The following HMGA2 variants were observed in gnomAD, a reference collection of about 807,000 sequenced individuals.
HMGA2 encodes high mobility group protein HMGI-C.
A neutral mutation model predicts 19.1 loss-of-function variants in HMGA2; 8 were observed. The ratio of observed to expected loss-of-function variants is 0.42; its 90% CI spans 0.25 to 0.76. The LOEUF (loss-of-function observed/expected upper bound fraction) is 0.76, where lower values mean the gene tolerates loss of function less well. Among genes scored for constraint, HMGA2 ranks in the 30% least tolerant of loss-of-function variants. The pLI, the probability that HMGA2 is intolerant of heterozygous loss-of-function variation, is 0.28. For missense variants in HMGA2, 109 were observed against 136.3 expected (o/e 0.80, Z 1.00); for synonymous variants, 60 against 48.8 (o/e 1.23, Z -0.96).
intron 3 of HMGA2, among the ~76,000 whole-genome samples, chr12:65,928,938 G>A (rs1241471262): frequency 6.6e-6 from 1 of 152,162 alleles, no homozygotes; most frequent in Non-Finnish European, 1.5e-5. Context: ...ATTTATATAT[G>A]TAGTGTACTG....
chr12:65,888,552 C>CTTTTTTTTTTTTTTTTTTTTTTTTT (rs1565722298), intron 3 of HMGA2, among the ~76,000 whole-genome samples: 1 of 90,304 alleles, frequency 1.1e-5, no homozygotes. Flanking sequence ...CCGTGGTGTG[C>CTTTTTTTTTTTTTTTTTTTTTTTTT]TCTTTTTTTT....
chr12:65,904,175 TCATAGAATTAACTCATGGGTTGAGAGG>T (rs560923993), intron 3 of HMGA2, among the ~76,000 whole-genome samples: 62 of 152,348 alleles, frequency 4.1e-4, no homozygotes, highest in African/African-American at 1.5e-3. Flanking sequence ...CTGTTCAACG[TCATAGAATTAACTCATGGGTTGAGAGG>T]CTGGGCCTAG....
intron 3 of HMGA2, among the ~76,000 whole-genome samples, chr12:65,867,212 G>T (rs1054153616): frequency 1.3e-5 from 2 of 152,184 alleles, no homozygotes; most frequent in African/African-American, 4.8e-5. Flanking sequence ...CACAAGCTAC[G>T]TAGAAACAGG....
intron 3 of HMGA2, among the ~76,000 whole-genome samples, chr12:65,894,621 G>A (rs1874049196): frequency 1.3e-5 from 2 of 152,148 alleles, no homozygotes; most frequent in East Asian, 1.9e-4. Flanking sequence ...AGGAAAGTAT[G>A]GCAATTGCTT....
At chr12:65,962,968 A>G (rs1454378693) in intron 4 of HMGA2, among the ~76,000 whole-genome samples, 1 of 152,084 alleles carries the variant, frequency 6.6e-6, no homozygotes, top group African/African-American at 2.4e-5. Flanking sequence ...TTGCCCTGAC[A>G]TTCTCTGGAC....
chr12:65,958,444 G>A (rs1323618304), intron 4 of HMGA2: 2 of 152,100 alleles, frequency 1.3e-5, no homozygotes, highest in South Asian at 2.1e-4. Context: ...TTCCTAGTTG[G>A]AGGAAATAAT....
chr12:65,920,827 A>G (rs1348373671), intron 3 of HMGA2, among the ~76,000 whole-genome samples: 2 of 152,236 alleles, frequency 1.3e-5, no homozygotes, highest in African/African-American at 4.8e-5. Flanking sequence ...TAACTAATAC[A>G]GTAAATTGGT....
At chr12:65,877,920 G>A (rs1206744254) in intron 3 of HMGA2, among the ~76,000 whole-genome samples, 1 of 152,076 alleles carries the variant, frequency 6.6e-6, no homozygotes, top group Non-Finnish European at 1.5e-5. Flanking sequence ...TTCCTTTTGT[G>A]AAAATTTTTT....
At chr12:65,911,424 C>A (rs1874840945) in intron 3 of HMGA2, among the ~76,000 whole-genome samples, 1 of 152,056 alleles carries the variant, frequency 6.6e-6, no homozygotes, top group Admixed American at 6.6e-5. Context: ...TCAGTCTTCC[C>A]TGGAAACAGG....
rs1359546388 is a variant in HMGA2, at chr12:65,964,300, A to AGG, written c.*1015_*1016dup. 27 of 148,862 alleles carry AGG rather than the reference A, an allele frequency of 1.8e-4. No homozygotes were observed. The highest frequency in any genetic ancestry group is 2.7e-4 in the Non-Finnish European group (18 of 67,538). 9.2% of individuals were successfully genotyped at this position (148,862 alleles called of 1,614,324 possible). On this transcript the variant is annotated 3_prime_UTR_variant, in exon 5 of 5. Coordinates refer to ENST00000403681, the MANE Select transcript of HMGA2 (RefSeq NM_003483.6). Reference sequence around the variant, plus strand: ...TCAATTTAAAAAGCAAAAAAAAAAAAGGGGGGGGCAATCTCTCTCTGTGTC... The same window carrying AGG: ...TCAATTTAAAAAGCAAAAAAAAAAAAGGGGGGGGGGCAATCTCTCTCTGTGTC...
chr12:65,863,425 C>T (rs1049577983), intron 3 of HMGA2, among the ~76,000 whole-genome samples: 2 of 152,002 alleles, frequency 1.3e-5, no homozygotes, highest in African/African-American at 4.8e-5. Flanking sequence ...AACTGTTAAG[C>T]CAAAACAGGG....
chr12:65,885,560 C>T (rs967301248), intron 3 of HMGA2, among the ~76,000 whole-genome samples: 2 of 152,132 alleles, frequency 1.3e-5, no homozygotes, highest in Non-Finnish European at 2.9e-5. Flanking sequence ...TTTTCTTGTG[C>T]ACTAGCAGCC....
At chr12:65,895,737 G>A (rs576848936) in intron 3 of HMGA2, among the ~76,000 whole-genome samples, 2 of 151,932 alleles carry the variant, frequency 1.3e-5, no homozygotes, top group South Asian at 4.1e-4. Context: ...TACATAGTCT[G>A]CCTAGCAGAC....
chr12:65,892,333 G>A (rs1199561388), intron 3 of HMGA2, among the ~76,000 whole-genome samples: 2 of 152,114 alleles, frequency 1.3e-5, no homozygotes, highest in Non-Finnish European at 2.9e-5. Flanking sequence ...GGAAAATATT[G>A]AACTTGGCCT....
intron 3 of HMGA2, among the ~76,000 whole-genome samples, chr12:65,929,966 A>C (rs78403809): frequency 6.6e-6 from 1 of 152,178 alleles, no homozygotes; most frequent in Admixed American, 6.5e-5. Context: ...TATATACAGA[A>C]GTAAGAACTG....
intron 3 of HMGA2, among the ~76,000 whole-genome samples, chr12:65,895,993 T>G (rs754998611): frequency 3.9e-5 from 6 of 152,218 alleles, no homozygotes; most frequent in Non-Finnish European, 5.9e-5. Flanking sequence ...AACTTTGGCT[T>G]ACTGTTTAAC....
At chr12:65,869,912 C>T (rs1162135983) in intron 3 of HMGA2, among the ~76,000 whole-genome samples, 1 of 152,106 alleles carries the variant, frequency 6.6e-6, no homozygotes, top group Non-Finnish European at 1.5e-5. Flanking sequence ...CCATGATTTT[C>T]TGCTCCATGT....
intron 3 of HMGA2, among the ~76,000 whole-genome samples, chr12:65,896,178 A>C (rs1874120750): frequency 6.6e-6 from 1 of 152,150 alleles, no homozygotes; most frequent in South Asian, 2.1e-4. Flanking sequence ...GTCTTTGAAA[A>C]CCATTTTCTT....
intron 3 of HMGA2, among the ~76,000 whole-genome samples, chr12:65,929,035 T>C (rs1481413531): frequency 6.6e-6 from 1 of 152,204 alleles, no homozygotes; most frequent in African/African-American, 2.4e-5. Flanking sequence ...TAAGAATTGG[T>C]CTATGCACAG....
Sources: allele counts gnomAD v4.1 joint callset (sites outside exome capture counted in the v4.1 genomes callset), GRCh38; gene constraint gnomAD v4.1.1; transcripts MANE v1.5; gene names NCBI Gene and HGNC (gene_info 2026-07-23, HGNC 2026-07-21).